The following WDFY1 variants were observed in gnomAD, a reference collection of about 807,000 sequenced individuals.
WDFY1 encodes WD repeat and FYVE domain containing 1.
WDFY1 carries 32 observed loss-of-function variants against 56.4 expected under a neutral mutation model. That is an observed-to-expected ratio of 0.57 (90% CI 0.43 to 0.76). The LOEUF (loss-of-function observed/expected upper bound fraction) is 0.76. Ranked by LOEUF, WDFY1 falls within the 30% of genes least tolerant of loss-of-function variation. The pLI is 0.00. For synonymous variants in WDFY1, 192 were observed against 197.3 expected (o/e 0.97, Z 0.23); for missense variants, 480 against 545.7 (o/e 0.88, Z 1.20).
Position 223,877,947 on chromosome 2 carries a change from G to C in WDFY1, c.*724C>G, listed in dbSNP as rs1246733585. The C allele has an allele frequency of 2.0e-5, 3 of 152,570 alleles. No homozygotes were observed. Among genetic ancestry groups the C allele is most frequent in the Non-Finnish European group, 4.4e-5 (3 of 68,040 alleles). 9.5% of individuals were successfully genotyped at this position (152,570 alleles called of 1,614,324 possible). On this transcript the variant is annotated 3_prime_UTR_variant, in exon 12 of 12. Coordinates refer to ENST00000233055, the MANE Select transcript of WDFY1 (RefSeq NM_020830.5). Reference sequence around the variant, plus strand: ...GCACCATAAAAAAGTTTTGCCCTAGGAATTTGGGGGAAAGGGAAGAATGCG... The same window carrying C: ...GCACCATAAAAAAGTTTTGCCCTAGCAATTTGGGGGAAAGGGAAGAATGCG...
intron 6 of WDFY1, among the ~76,000 whole-genome samples, chr2:223,898,215 A>G (rs989622394): frequency 6.6e-6 from 1 of 152,090 alleles, no homozygotes; most frequent in Non-Finnish European, 1.5e-5. Flanking sequence ...GTCCCTACAC[A>G]GGGTATGTTT....
Position 223,879,824 on chromosome 2 carries a change from G to T in WDFY1, c.1173+300C>A, listed in dbSNP as rs374024917. 2.0e-5 allele frequency among the ~76,000 whole-genome samples: 3 copies of T among 152,178 alleles called. No homozygotes were observed. The South Asian group carries it at 6.2e-4, about 31-fold the overall frequency. On this transcript the variant is annotated intron_variant, in intron 11 of 11. Transcript: ENST00000233055. ...CAAGCGTAGGAATGTCTTGAGATGG[G>T]TCAGGGGTGAGGACCCAGGCCAGCA...
intron 8 of WDFY1, among the ~76,000 whole-genome samples, chr2:223,891,008 G>T (rs908519251): frequency 9.2e-5 from 14 of 152,142 alleles, no homozygotes; most frequent in Admixed American, 5.2e-4. Flanking sequence ...GACTTGGAGA[G>T]AAATTCCAGG....
intron 2 of WDFY1, among the ~76,000 whole-genome samples, chr2:223,917,406 T>TA (rs1354440535): frequency 1.4e-5 from 1 of 70,538 alleles, no homozygotes; most frequent in East Asian, 4.0e-4. Context: ...CATTTTCCTA[T>TA]TTTTTTTTCA....
intron 6 of WDFY1, among the ~76,000 whole-genome samples, chr2:223,897,719 G>A (rs978256909): frequency 4.6e-5 from 7 of 152,032 alleles, no homozygotes; most frequent in African/African-American, 1.7e-4. Context: ...AATGTTGCAG[G>A]TGGGGCTTGG....
In WDFY1 at chr2:223,918,000, C is replaced by G; in HGVS notation, c.148G>C (p.Val50Leu). The change falls in exon 2 of 12, where the codon GTA becomes CTA. Residue 50 changes from valine to leucine, a missense_variant. Physicochemically the swap from Val to Leu is conservative, Grantham distance 32. Transcript: ENST00000233055. ...ITASEDRTIR[V>L]WLKRDSGQYW... ...TGACCACTGTCTCTTTTCAGCCATA[C>G]CCGGATGGTTCTGTGGAGAAAAGAA... 6.2e-7 allele frequency: 1 copy of G among 1,613,988 alleles called. No homozygotes were observed.
intron 3 of WDFY1, among the ~76,000 whole-genome samples, chr2:223,909,166 T>C (rs1333415865): frequency 1.3e-5 from 2 of 152,198 alleles, no homozygotes; most frequent in Non-Finnish European, 2.9e-5. Flanking sequence ...CTACTTATTG[T>C]ACAGATCCCC....
At chr2:223,887,982 T>C (rs1693200536) in intron 8 of WDFY1, among the ~76,000 whole-genome samples, 1 of 152,204 alleles carries the variant, frequency 6.6e-6, no homozygotes, top group African/African-American at 2.4e-5. Flanking sequence ...GAAATAGTTT[T>C]CTACACAAAT....
At chr2:223,942,200 T>C (rs1574785716) in intron 1 of WDFY1, among the ~76,000 whole-genome samples, 5 of 152,236 alleles carry the variant, frequency 3.3e-5, no homozygotes, top group Admixed American at 3.3e-4. Flanking sequence ...GAATAAAATA[T>C]TTGACCGAAT....
rs1236939362 is a variant in WDFY1, at chr2:223,917,730, G to A, written c.205+213C>T. 2.0e-5 allele frequency among the ~76,000 whole-genome samples: 3 copies of A among 152,094 alleles called. No homozygotes were observed. The East Asian group carries it at 5.8e-4, about 29-fold the overall frequency. ...TGGGATTACAGGCGCACACCACCAC[G>A]CCCAGCTAATTTTGTATTTTTAGTA... On this transcript the variant is annotated intron_variant, in intron 2 of 11. Coordinates refer to ENST00000233055, the MANE Select transcript of WDFY1 (RefSeq NM_020830.5).
At chr2:223,919,836 G>C (rs945667070) in intron 1 of WDFY1, among the ~76,000 whole-genome samples, 4 of 152,208 alleles carry the variant, frequency 2.6e-5, no homozygotes, top group African/African-American at 9.6e-5. Flanking sequence ...TGCATAGGCA[G>C]CGTGTCCTGG....
chr2:223,899,649 G>C (rs761991727), intron 5 of WDFY1, among the ~76,000 whole-genome samples: 60 of 152,146 alleles, frequency 3.9e-4, no homozygotes, highest in Non-Finnish European at 6.6e-4. Flanking sequence ...AGGAGGCTGA[G>C]ACAAGAGAAC....
In WDFY1 at chr2:223,945,174, G is replaced by T; in HGVS notation, c.111C>A (p.Asp37Glu). 1 of 1,597,432 alleles carries T rather than the reference G, an allele frequency of 6.3e-7. No homozygotes were observed. The highest frequency in any genetic ancestry group is 8.5e-7 in the Non-Finnish European group (1 of 1,175,302). ...VTAALLIPKE[D>E]GVITASEDRT... ...TGTCCTCGCTGGCCGTGATCACGCC[G>T]TCCTCCTTGGGGATGAGCAGCGCGG... Residue 37 changes from aspartate to glutamate, a missense_variant, in exon 1 of 12, where the codon GAC becomes GAA. Coordinates refer to ENST00000233055, the MANE Select transcript of WDFY1 (RefSeq NM_020830.5).
At chr2:223,887,250 A>G (rs1413421948) in intron 8 of WDFY1, among the ~76,000 whole-genome samples, 1 of 152,180 alleles carries the variant, frequency 6.6e-6, no homozygotes, top group Non-Finnish European at 1.5e-5. Context: ...TGTGCTGCCA[A>G]TGGCACAGGG....
intron 1 of WDFY1, among the ~76,000 whole-genome samples, chr2:223,922,956 T>C (rs1693911099): frequency 6.6e-6 from 1 of 152,206 alleles, no homozygotes; most frequent in African/African-American, 2.4e-5. Context: ...TTGGCACAAA[T>C]TGGACCTATG....
intron 1 of WDFY1, among the ~76,000 whole-genome samples, chr2:223,924,175 T>C (rs547989433): frequency 6.6e-5 from 10 of 152,336 alleles, no homozygotes; most frequent in African/African-American, 2.4e-4. Flanking sequence ...CAGAGCCTAA[T>C]AAATCTTTTC....
rs1043162174 is a variant in WDFY1 at position 223,894,217 on chromosome 2, T to C, written c.831+17A>G. On this transcript the variant is annotated intron_variant, in intron 8 of 11. Transcript: ENST00000233055. The stretch of plus-strand genomic sequence containing the variant: ...GGGGTCTCCCCCGATCAGCCTGGAC[T>C]TGCCCTTGTCTCTTACCTCTTCTCT... The C allele has an allele frequency of 1.2e-6, 2 of 1,613,820 alleles. No individual in the cohort carries two copies. The highest frequency in any genetic ancestry group is 3.3e-5 in the Admixed American group (2 of 59,996).
intron 1 of WDFY1, among the ~76,000 whole-genome samples, chr2:223,923,382 A>C (rs1460654155): frequency 6.6e-6 from 1 of 152,256 alleles, no homozygotes; most frequent in Admixed American, 6.5e-5. Flanking sequence ...AGACTAAAAA[A>C]TTACTATCCA....
At position 223,901,618 on chromosome 2, in the gene WDFY1, T is replaced by C. The variant is rs547603925; in HGVS notation, c.335-285A>G. The stretch of plus-strand genomic sequence containing the variant: ...CTCAAGGAGAAATCAAATAATAGAT[T>C]AGAGAACAGATTTTTTTTTTTTTTT... On this transcript the variant is annotated intron_variant, in intron 4 of 11. Transcript: ENST00000233055. Among the ~76,000 whole-genome samples, 36 of 149,736 alleles carry C rather than the reference T, an allele frequency of 2.4e-4. No homozygotes were observed. In the East Asian group the frequency reaches 2.5e-3, roughly 10 times the overall value.
Sources: gnomAD v4.1 joint callset for allele counts (sites outside exome capture counted in the v4.1 genomes callset) on GRCh38, gnomAD v4.1.1 for gene constraint, MANE v1.5 for transcripts, NCBI Gene and HGNC (gene_info 2026-07-23, HGNC 2026-07-21) for gene names.